Variants in HCN1 observed in about 807,000 individuals in gnomAD.
The protein encoded by HCN1 is potassium/sodium hyperpolarization-activated cyclic nucleotide-gated channel 1.
In HCN1, 13 loss-of-function variants were observed where a neutral mutation model predicts 78.9. That is an observed-to-expected ratio of 0.16 (90% CI 0.11 to 0.26). HCN1 has a LOEUF of 0.26. Ranked by LOEUF, HCN1 falls within the 10% of genes least tolerant of loss-of-function variation. The probability of loss-of-function intolerance (pLI) is 1.00; values close to 1 mark genes in which losing one functional copy is unlikely to be tolerated. For missense variants in HCN1, 810 were observed against 1,154.3 expected, an observed-to-expected ratio of 0.70 and a Z score of 4.32; for synonymous variants, 552 against 455.5, an observed-to-expected ratio of 1.21 and a Z score of -2.70.
intron 4 of HCN1, among the ~76,000 whole-genome samples, chr5:45,364,478 G>A (rs1209580215): frequency 6.6e-6 from 1 of 151,658 alleles, no homozygotes; most frequent in Non-Finnish European, 1.5e-5. Flanking sequence ...ATCTCGACTC[G>A]TAAGCCTGTC....
At chr5:45,444,520 C>T (rs1372262210) in intron 3 of HCN1, among the ~76,000 whole-genome samples, 1 of 151,906 alleles carries the variant, frequency 6.6e-6, no homozygotes, top group Non-Finnish European at 1.5e-5. Flanking sequence ...TCACAAAAAC[C>T]CTTAGTATGC....
intron 4 of HCN1, among the ~76,000 whole-genome samples, chr5:45,378,774 C>A (rs1036398083): frequency 6.6e-6 from 1 of 152,004 alleles, no homozygotes; most frequent in African/African-American, 2.4e-5. Context: ...CCTCCCCCAG[C>A]CCCTCACCCC....
intron 6 of HCN1, among the ~76,000 whole-genome samples, chr5:45,271,466 G>C (rs1270014303): frequency 6.6e-6 from 1 of 151,794 alleles, no homozygotes; most frequent in African/African-American, 2.4e-5. Flanking sequence ...TGGGGATTTA[G>C]AGTCCTGTGT....
At chr5:45,302,367 G>A (rs1421685912) in intron 6 of HCN1, among the ~76,000 whole-genome samples, 3 of 151,934 alleles carry the variant, frequency 2.0e-5, no homozygotes, top group Admixed American at 6.6e-5. Context: ...GTTTCCTGAG[G>A]CCTTCCCAGC....
intron 1 of HCN1, among the ~76,000 whole-genome samples, chr5:45,690,966 A>G (rs1739900624): frequency 6.6e-6 from 1 of 152,114 alleles, no homozygotes. Context: ...GAATGATAAG[A>G]TTATCACCTG....
intron 1 of HCN1, among the ~76,000 whole-genome samples, chr5:45,648,250 T>G (rs543961187): frequency 1.3e-5 from 2 of 152,140 alleles, no homozygotes; most frequent in Non-Finnish European, 2.9e-5. Flanking sequence ...GTAATTAAGA[T>G]AGAAGCTTTT....
chr5:45,647,124 G>T (rs1327710039), intron 1 of HCN1, among the ~76,000 whole-genome samples: 1 of 152,158 alleles, frequency 6.6e-6, no homozygotes, highest in Non-Finnish European at 1.5e-5. Context: ...ATGTTGTAAA[G>T]GATAAGCGTT....
chr5:45,552,467 A>G (rs920125763), intron 2 of HCN1, among the ~76,000 whole-genome samples: 1 of 151,942 alleles, frequency 6.6e-6, no homozygotes, highest in African/African-American at 2.4e-5. Context: ...ATGTCCACAT[A>G]TTATTTTAGT....
chr5:45,374,270 TATTATATAC>T (rs1370899874), intron 4 of HCN1, among the ~76,000 whole-genome samples: 99 of 114,010 alleles, frequency 8.7e-4, no homozygotes, highest in Non-Finnish European at 1.4e-3. Flanking sequence ...ATAACATATA[TATTATATAC>T]ATTATATACA....
intron 2 of HCN1, among the ~76,000 whole-genome samples, chr5:45,597,338 T>C (rs935433873): frequency 6.6e-6 from 1 of 152,326 alleles, no homozygotes; most frequent in South Asian, 2.1e-4. Context: ...TCTCAATAGA[T>C]GCAGAAAAGG....
At chr5:45,686,021 A>G in intron 1 of HCN1, among the ~76,000 whole-genome samples, 2 of 152,108 alleles carry the variant, frequency 1.3e-5, no homozygotes, top group Non-Finnish European at 2.9e-5. Context: ...AATGCAGAGC[A>G]TAACTTCTAA....
intron 6 of HCN1, among the ~76,000 whole-genome samples, chr5:45,274,537 G>C (rs1745017802): frequency 6.6e-6 from 1 of 152,120 alleles, no homozygotes. Context: ...CCACAAGCCT[G>C]GCACATTGTG....
intron 4 of HCN1, among the ~76,000 whole-genome samples, chr5:45,395,823 C>A (rs899367349): frequency 6.6e-6 from 1 of 151,682 alleles, no homozygotes; most frequent in African/African-American, 2.4e-5. Flanking sequence ...TATATTTAGC[C>A]CTAGCCAAAG....
At chr5:45,525,092 C>T (rs886471833) in intron 2 of HCN1, among the ~76,000 whole-genome samples, 1 of 152,006 alleles carries the variant, frequency 6.6e-6, no homozygotes, top group Non-Finnish European at 1.5e-5. Context: ...TGTCAAAGGC[C>T]TTTTCTGCCT....
intron 5 of HCN1, among the ~76,000 whole-genome samples, chr5:45,319,061 G>A (rs1398525100): frequency 6.6e-6 from 1 of 151,882 alleles, no homozygotes; most frequent in African/African-American, 2.4e-5. Flanking sequence ...TCATTTTATG[G>A]TTATACTACA....
At chr5:45,281,725 C>A (rs1015690014) in intron 6 of HCN1, among the ~76,000 whole-genome samples, 1 of 151,002 alleles carries the variant, frequency 6.6e-6, no homozygotes, top group Non-Finnish European at 1.5e-5. Flanking sequence ...GCAGCTGGGA[C>A]TACAGGTGCC....
intron 2 of HCN1, among the ~76,000 whole-genome samples, chr5:45,490,677 C>T (rs1561173536): frequency 6.6e-6 from 1 of 152,124 alleles, no homozygotes. Context: ...TCTTATTTCA[C>T]ATTGCATGCC....
chr5:45,367,672 C>A (rs568434126), intron 4 of HCN1, among the ~76,000 whole-genome samples: 13 of 151,970 alleles, frequency 8.6e-5, no homozygotes, highest in Non-Finnish European at 1.6e-4. Context: ...TTTTCAGAAC[C>A]AGGTCACCAT....
At chr5:45,310,496 A>G (rs935369636) in intron 5 of HCN1, among the ~76,000 whole-genome samples, 1 of 152,186 alleles carries the variant, frequency 6.6e-6, no homozygotes, top group African/African-American at 2.4e-5. Context: ...AATGGTTATT[A>G]TTAAAAAGTC....
Sources: gnomAD v4.1 joint callset for allele counts (sites outside exome capture counted in the v4.1 genomes callset) on GRCh38, gnomAD v4.1.1 for gene constraint, MANE v1.5 for transcripts, NCBI Gene and HGNC (gene_info 2026-07-23, HGNC 2026-07-21) for gene names.